The following CXCL16 variants were observed in gnomAD, a reference collection of about 807,000 sequenced individuals.
The protein encoded by CXCL16 is C-X-C motif chemokine ligand 16, also known as C-X-C motif chemokine 16.
Under a neutral mutation model 23.8 loss-of-function variants are expected in CXCL16, and 18 were observed. The ratio of observed to expected loss-of-function variants is 0.76; its 90% CI spans 0.52 to 1.12. The LOEUF is 1.12. Ranked by LOEUF, CXCL16 falls within the 50% of genes most tolerant of loss-of-function variation. The pLI, the probability that CXCL16 is intolerant of heterozygous loss-of-function variation, is 0.00. For synonymous variants in CXCL16, 123 were observed against 132.5 expected (o/e 0.93, Z 0.49); for missense variants, 297 against 315.4 (o/e 0.94, Z 0.44).
chr17:4,734,987 T>A lies in CXCL16; in HGVS notation c.718+105A>T, dbSNP rs914716634. 45 of 1,106,232 alleles carry A rather than the reference T, an allele frequency of 4.1e-5. No individual in the cohort carries two copies. In the Admixed American group the frequency reaches 6.7e-4, roughly 17 times the overall value. The allele number at this position is 1,106,232 out of a possible 1,614,324, so 68.5% of individuals were successfully genotyped here. A position where few individuals can be genotyped will look rare whatever the true frequency, so the allele number is the denominator to read the frequency against. ...AACCTTGTGCAGACAACCTTGATAC[T>A]TGTGTGCCAAGGCCAGGTTTCCAGC... On this transcript the variant is annotated intron_variant, in intron 4 of 5. Coordinates refer to ENST00000293778, the MANE Select transcript of CXCL16 (RefSeq NM_001386809.1).
At chr17:4,737,119 A>G (rs1022828872) in intron 3 of CXCL16, among the ~76,000 whole-genome samples, 1 of 152,014 alleles carries the variant, frequency 6.6e-6, no homozygotes. Context: ...CCTGGCCTCT[A>G]CTTAAGTTTT....
Position 4,739,258 on chromosome 17 carries a change from A to G in CXCL16, c.79+3T>C. 1 of 1,597,742 alleles carries G rather than the reference A, an allele frequency of 6.3e-7. No individual in the cohort carries two copies. The highest frequency in any genetic ancestry group is 1.3e-5 in the African/African-American group (1 of 74,710). ...TGGGTCCCCTGCCCCGCCCCCGGCT[A>G]ACCTGGCTGAGTCAGGTACACCAGC... On this transcript the variant is annotated splice_donor_region_variant and intron_variant, in intron 1 of 5. Coordinates refer to ENST00000293778, the MANE Select transcript of CXCL16 (RefSeq NM_001386809.1). This position sits in a 1 kb window ranked among gnomAD's most constrained non-coding sequence, Gnocchi z 5.3.
At position 4,738,789 on chromosome 17, in the gene CXCL16, A is replaced by G. The variant is rs777950219; in HGVS notation, c.211T>C (p.Tyr71His). 2 of 1,614,128 alleles carry G rather than the reference A, an allele frequency of 1.2e-6. No individual in the cohort carries two copies. The highest frequency in any genetic ancestry group is 1.7e-6 in the Non-Finnish European group (2 of 1,179,978). Residue 71 changes from tyrosine to histidine, a missense_variant, in exon 2 of 6, where the codon TAC (tyrosine) becomes CAC (histidine). By Grantham distance (83) the Tyr-to-His change is moderately conservative. Coordinates refer to ENST00000293778, the MANE Select transcript of CXCL16 (RefSeq NM_001386809.1). The surrounding 1 kb of genome is among the most constrained non-coding windows in gnomAD (Gnocchi z 4.0). ...HLRAYHRCLY[Y>H]TRFQLLSWSV... Reference sequence around the variant, plus strand: ...AGAGGCAGGTAAAATTACCTCGTGTAGTATAGACACCGATGGTAAGCTCTC... The same window carrying G: ...AGAGGCAGGTAAAATTACCTCGTGTGGTATAGACACCGATGGTAAGCTCTC...
At position 4,739,003 on chromosome 17, in the gene CXCL16, C is replaced by G; in HGVS notation, c.80-83G>C. 1 of 1,513,216 alleles carries G rather than the reference C, an allele frequency of 6.6e-7. No individual in the cohort carries two copies. The highest frequency in any genetic ancestry group is 8.9e-7 in the Non-Finnish European group (1 of 1,118,964). The allele number at this position is 1,513,216 out of a possible 1,614,324, so 93.7% of individuals were successfully genotyped here. On this transcript the variant is annotated intron_variant, in intron 1 of 5. Coordinates refer to ENST00000293778, the MANE Select transcript of CXCL16 (RefSeq NM_001386809.1). This position sits in a 1 kb window ranked among gnomAD's most constrained non-coding sequence, Gnocchi z 5.3. ...GTTCCCTGGCATCCAATCCACAGCC[C>G]CATGACAGCCTCTCGGTGGACCCAG...
Position 4,734,733 on chromosome 17 carries a change from C to G in CXCL16, c.719-81G>C. On this transcript the variant is annotated intron_variant, in intron 4 of 5. Coordinates refer to ENST00000293778, the MANE Select transcript of CXCL16 (RefSeq NM_001386809.1). Reference sequence around the variant, plus strand: ...GGGATGATAGCTTGAACTAGGGAATCAGATGAAGACATCAACACTATGACC... The same window carrying G: ...GGGATGATAGCTTGAACTAGGGAATGAGATGAAGACATCAACACTATGACC... The G allele has an allele frequency of 2.6e-6, 3 of 1,165,600 alleles. No homozygotes were observed. In the East Asian group the frequency reaches 7.0e-5, roughly 27 times the overall value. 72.2% of individuals were successfully genotyped at this position (1,165,600 alleles called of 1,614,324 possible).
intron 3 of CXCL16, among the ~76,000 whole-genome samples, chr17:4,735,801 C>T (rs1031924835): frequency 1.3e-5 from 2 of 152,048 alleles, no homozygotes; most frequent in South Asian, 2.1e-4. Context: ...TGGCCGGGCG[C>T]GGTGGTTCAC....
At chr17:4,736,289 T>C (rs1262276901) in intron 3 of CXCL16, 2 of 152,286 alleles carry the variant, frequency 1.3e-5, no homozygotes, top group East Asian at 3.9e-4. Flanking sequence ...AGCTACTTAC[T>C]TCTGCTGTTT....
chr17:4,734,531 CAG>C (rs1477247809), intron 5 of CXCL16, 50 bp downstream of exon 5: 1 of 1,218,762 alleles, frequency 8.2e-7, no homozygotes, highest in Admixed American at 1.7e-5. Flanking sequence ...ACCATGTTGT[CAG>C]GGGTCAGTCT....
At position 4,738,704 on chromosome 17, in the gene CXCL16, T is replaced by C. The variant is rs1916239270; in HGVS notation, c.218+78A>G. ...CGGTGAGCCGGGAAGGAGTTCAGGC[T>C]GGACCAGAGAGGGTCCTGGAGGCAC... On this transcript the variant is annotated intron_variant, in intron 2 of 5. Coordinates refer to ENST00000293778, the MANE Select transcript of CXCL16 (RefSeq NM_001386809.1). The surrounding 1 kb of genome is among the most constrained non-coding windows in gnomAD (Gnocchi z 4.0). The C allele has an allele frequency of 1.0e-5, 15 of 1,469,716 alleles. No homozygotes were observed. The East Asian group carries it at 1.6e-4, about 16-fold the overall frequency. 91.0% of individuals were successfully genotyped at this position (1,469,716 alleles called of 1,614,324 possible). A position where few individuals can be genotyped will look rare whatever the true frequency, so the allele number is the denominator to read the frequency against.
In CXCL16 at chr17:4,738,689, G is replaced by A; in HGVS notation, c.218+93C>T. The A allele has an allele frequency of 7.4e-7, 1 of 1,351,274 alleles. No homozygotes were observed. The highest frequency in any genetic ancestry group is 1.0e-6 in the Non-Finnish European group (1 of 977,574). The allele number at this position is 1,351,274 out of a possible 1,614,324, so 83.7% of individuals were successfully genotyped here. ...CCCGGAGATGGGGCTCGGTGAGCCG[G>A]GAAGGAGTTCAGGCTGGACCAGAGA... On this transcript the variant is annotated intron_variant, in intron 2 of 5. Transcript: ENST00000293778. The surrounding 1 kb of genome is among the most constrained non-coding windows in gnomAD (Gnocchi z 4.0).
Position 4,738,445 on chromosome 17 carries a change from T to C in CXCL16, c.264A>G (p.Pro88=), listed in dbSNP as rs775976461. 10 of 1,613,976 alleles carry C rather than the reference T, an allele frequency of 6.2e-6. No homozygotes were observed. The highest frequency in any genetic ancestry group is 5.0e-5 in the Admixed American group (3 of 59,996). Reference sequence around the variant, plus strand: ...GACAGCTCATCAATTCCTGAACCCATGGGTCCTTGTTGCCCCCACACACGC... The same window carrying C: ...GACAGCTCATCAATTCCTGAACCCACGGGTCCTTGTTGCCCCCACACACGC... ...SWSVCGGNKD[P]WVQELMSCLD... is the part of the protein sequence containing the mutation. Residue 88 remains proline (P), a synonymous_variant, in exon 3 of 6, where the codon CCA becomes CCG. Coordinates refer to ENST00000293778, the MANE Select transcript of CXCL16 (RefSeq NM_001386809.1). This position sits in a 1 kb window ranked among gnomAD's most constrained non-coding sequence, Gnocchi z 4.0.
Position 4,734,154 on chromosome 17 carries a change from C to T in CXCL16, c.*349G>A, listed in dbSNP as rs780188765. 17 of 166,306 alleles carry T rather than the reference C, an allele frequency of 1.0e-4. No individual in the cohort carries two copies. Among genetic ancestry groups the T allele is most frequent in the Non-Finnish European group, 1.8e-4 (14 of 76,386 alleles). 10.3% of individuals were successfully genotyped at this position (166,306 alleles called of 1,614,324 possible). A position where few individuals can be genotyped will look rare whatever the true frequency, so the allele number is the denominator to read the frequency against. On this transcript the variant is annotated 3_prime_UTR_variant, in exon 6 of 6. Transcript: ENST00000293778. ...CTGGGAGATGGGGGTTGCAGTGAGC[C>T]GAGATCATGCCACTGCACTCCAGCC... is the stretch of plus-strand genomic sequence containing the variant.
At position 4,738,572 on chromosome 17, in the gene CXCL16, C is replaced by T; in HGVS notation, c.219-82G>A. ...TCCTCATTCCAGAGGCGTGAAGTTG[C>T]CACCAAGAAAGAGCCCTTTCTCCTG... On this transcript the variant is annotated intron_variant, in intron 2 of 5. Transcript: ENST00000293778. The surrounding 1 kb of genome is among the most constrained non-coding windows in gnomAD (Gnocchi z 4.0). The T allele has an allele frequency of 8.4e-7, 1 of 1,192,276 alleles. No homozygotes were observed. 73.9% of individuals were successfully genotyped at this position (1,192,276 alleles called of 1,614,324 possible).
At chr17:4,737,438 G>C (rs1916185940) in intron 3 of CXCL16, among the ~76,000 whole-genome samples, 1 of 150,282 alleles carries the variant, frequency 6.7e-6, no homozygotes, top group Non-Finnish European at 1.5e-5. Flanking sequence ...AAATTAGCTG[G>C]GCATGGTGGC....
Position 4,738,628 on chromosome 17 carries a change from G to A in CXCL16, c.219-138C>T, listed in dbSNP as rs1916236526. ...GGGAAACTCCCCAGTAGGTGAGACGGAGTCATGAAGTTTCGGGGAATGAGA... is the reference window on the plus strand; with the variant it reads ...GGGAAACTCCCCAGTAGGTGAGACGAAGTCATGAAGTTTCGGGGAATGAGA... On this transcript the variant is annotated intron_variant, in intron 2 of 5. Coordinates refer to ENST00000293778, the MANE Select transcript of CXCL16 (RefSeq NM_001386809.1). The surrounding 1 kb of genome is among the most constrained non-coding windows in gnomAD (Gnocchi z 4.0). 4.0e-6 allele frequency: 4 copies of A among 995,614 alleles called. No individual in the cohort carries two copies. The highest frequency in any genetic ancestry group is 6.0e-6 in the Non-Finnish European group (4 of 671,616). 61.7% of individuals were successfully genotyped at this position (995,614 alleles called of 1,614,324 possible). A position where few individuals can be genotyped will look rare whatever the true frequency, so the allele number is the denominator to read the frequency against.
Sources: gnomAD v4.1 joint callset for allele counts (sites outside exome capture counted in the v4.1 genomes callset) on GRCh38, gnomAD v4.1.1 for gene constraint, Gnocchi (gnomAD v3.1) non-coding constraint, MANE v1.5 for transcripts, NCBI Gene and HGNC (gene_info 2026-07-23, HGNC 2026-07-21) for gene names.